Variants in DCBLD2 observed in about 807,000 individuals in gnomAD.
The protein encoded by DCBLD2 is discoidin, CUB and LCCL domain containing 2.
Under a neutral mutation model 86.8 loss-of-function variants are expected in DCBLD2, and 54 were observed. The observed-to-expected ratio is 0.62, with a 90% CI of 0.50 to 0.78. The LOEUF (loss-of-function observed/expected upper bound fraction) is 0.78, where lower values mean the gene tolerates loss of function less well. Ranked by LOEUF, DCBLD2 falls within the 30% of genes least tolerant of loss-of-function variation. DCBLD2 has a pLI of 0.00. For missense variants in DCBLD2, 908 were observed against 954.2 expected (o/e 0.95, Z 0.64); for synonymous variants, 354 against 341.3 (o/e 1.04, Z -0.41).
intron 2 of DCBLD2, among the ~76,000 whole-genome samples, chr3:98,852,622 G>T (rs1004905073): frequency 6.6e-6 from 1 of 152,128 alleles, no homozygotes; most frequent in East Asian, 1.9e-4. Context: ...ATGGCAAAAC[G>T]GAGATTTTTC....
intron 2 of DCBLD2, among the ~76,000 whole-genome samples, chr3:98,864,239 C>T (rs919570039): frequency 4.6e-4 from 70 of 152,224 alleles, no homozygotes; most frequent in African/African-American, 1.6e-3. Context: ...AATAGGAACA[C>T]TTTTAAATTG....
chr3:98,800,378 C>T (rs1445015982), intron 15 of DCBLD2, among the ~76,000 whole-genome samples: 3 of 152,070 alleles, frequency 2.0e-5, no homozygotes, highest in African/African-American at 7.2e-5. Flanking sequence ...AAATCAATGT[C>T]CCAACTTTAC....
chr3:98,883,132 GTA>G (rs997043773), intron 1 of DCBLD2, among the ~76,000 whole-genome samples: 1 of 152,144 alleles, frequency 6.6e-6, no homozygotes, highest in African/African-American at 2.4e-5. Context: ...CCATGAGATA[GTA>G]TCTCATTGTG....
chr3:98,814,409 A>G (rs1162268600), intron 9 of DCBLD2: 3 of 152,222 alleles, frequency 2.0e-5, no homozygotes, highest in Non-Finnish European at 4.4e-5. Context: ...ATAAAAACTG[A>G]GTAAAAAAGA....
At chr3:98,853,077 A>G (rs1213241896) in intron 2 of DCBLD2, among the ~76,000 whole-genome samples, 1 of 152,216 alleles carries the variant, frequency 6.6e-6, no homozygotes, top group Non-Finnish European at 1.5e-5. Context: ...GAAGCAAAGT[A>G]AAACAGAATA....
intron 3 of DCBLD2, among the ~76,000 whole-genome samples, chr3:98,833,479 G>A (rs1251530136): frequency 6.6e-6 from 1 of 152,206 alleles, no homozygotes; most frequent in Non-Finnish European, 1.5e-5. Context: ...TGGTGAACTA[G>A]TGCAATCGTT....
chr3:98,802,561 A>G (rs532026009), intron 13 of DCBLD2, among the ~76,000 whole-genome samples: 25 of 152,288 alleles, frequency 1.6e-4, no homozygotes, highest in African/African-American at 5.1e-4. Flanking sequence ...TAGTTTAATT[A>G]GATCCCATTT....
intron 3 of DCBLD2, among the ~76,000 whole-genome samples, chr3:98,832,663 C>G (rs1942344613): frequency 6.6e-6 from 1 of 152,184 alleles, no homozygotes; most frequent in Non-Finnish European, 1.5e-5. Flanking sequence ...ATTTGCTTAT[C>G]TGACAAGAAT....
chr3:98,879,362 C>T (rs1040701497), intron 2 of DCBLD2, among the ~76,000 whole-genome samples: 4 of 152,088 alleles, frequency 2.6e-5, no homozygotes, highest in Admixed American at 6.5e-5. Context: ...TCACTGAATG[C>T]CCAATGCTTC....
chr3:98,881,266 CAAAAA>C (rs35861171), intron 2 of DCBLD2, among the ~76,000 whole-genome samples: 1 of 136,828 alleles, frequency 7.3e-6, no homozygotes, highest in South Asian at 2.3e-4. Flanking sequence ...AAAAAAAAAA[CAAAAA>C]AAAAAAAACA....
intron 14 of DCBLD2, chr3:98,801,338 C>A: frequency 2.4e-6 from 1 of 420,926 alleles, no homozygotes; most frequent in Non-Finnish European, 4.2e-6. Flanking sequence ...GAAACAGATA[C>A]ACAGGACAAA....
At chr3:98,822,816 C>T (rs1942148102) in intron 4 of DCBLD2, 75 bp from the exon 5 acceptor site, 4 of 1,285,852 alleles carry the variant, frequency 3.1e-6, no homozygotes, top group South Asian at 2.9e-5. Context: ...CCAAAAATAT[C>T]ACAGACACAT....
Position 98,864,598 on chromosome 3 carries a change from G to A in DCBLD2, c.434-15000C>T, listed in dbSNP as rs150437450. Among the ~76,000 whole-genome samples the A allele has an allele frequency of 7.3e-4, 111 of 152,030 alleles. 1 individual carries two copies. Among genetic ancestry groups the A allele is most frequent in the Middle Eastern group, 3.4e-3 (1 of 294 alleles). On this transcript the variant is annotated intron_variant, in intron 2 of 15. Coordinates refer to ENST00000326840, the MANE Select transcript of DCBLD2 (RefSeq NM_080927.4). Reference sequence around the variant, plus strand: ...AAACCATCATTCTCAGCAAACTATCGCAAGAACAAAAAACCAAACAGCGCA... The same window carrying A: ...AAACCATCATTCTCAGCAAACTATCACAAGAACAAAAAACCAAACAGCGCA...
chr3:98,807,939 A>C, intron 13 of DCBLD2, 142 bp downstream of exon 13: 1 of 545,950 alleles, frequency 1.8e-6, no homozygotes, highest in Non-Finnish European at 2.9e-6. Flanking sequence ...TTTTAATGGG[A>C]ATAAAGGAGA....
intron 3 of DCBLD2, among the ~76,000 whole-genome samples, chr3:98,830,568 T>C (rs890234847): frequency 1.3e-5 from 2 of 152,212 alleles, no homozygotes; most frequent in Non-Finnish European, 2.9e-5. Context: ...CTTATTTCTG[T>C]GCTCTCTACT....
At chr3:98,855,646 A>C (rs980602999) in intron 2 of DCBLD2, among the ~76,000 whole-genome samples, 3 of 152,250 alleles carry the variant, frequency 2.0e-5, no homozygotes, top group Non-Finnish European at 4.4e-5. Flanking sequence ...TCCTTTCAGA[A>C]CTGTAGCTCA....
rs150321222 is a variant in DCBLD2, at chr3:98,853,445, A to C, written c.434-3847T>G. Among the ~76,000 whole-genome samples, 1,065 of 152,316 alleles carry C rather than the reference A, an allele frequency of 7.0e-3. 8 individuals are homozygous for C. Among genetic ancestry groups the C allele is most frequent in the African/African-American group, 0.019 (795 of 41,564 alleles). On this transcript the variant is annotated intron_variant, in intron 2 of 15. Coordinates refer to ENST00000326840, the MANE Select transcript of DCBLD2 (RefSeq NM_080927.4). The stretch of plus-strand genomic sequence containing the variant: ...CACAGCCCTATCACTCCACAATGCC[A>C]CCAGTCCTGAAGCTCAGCTATCATT...
intron 9 of DCBLD2, 22 bp downstream of exon 9, chr3:98,817,747 A>C: frequency 6.2e-7 from 1 of 1,610,920 alleles, no homozygotes. Flanking sequence ...GTTTTTTAAA[A>C]ATACCTTGGT....
chr3:98,870,797 GAAAGAAAGAA>G (rs1943264777), intron 2 of DCBLD2, among the ~76,000 whole-genome samples: 2 of 150,966 alleles, frequency 1.3e-5, no homozygotes, highest in Non-Finnish European at 3.0e-5. Context: ...AAGAAAGAAA[GAAAGAAAGAA>G]AGAAAGGTAG....
Sources: gnomAD v4.1 joint callset for allele counts (sites outside exome capture counted in the v4.1 genomes callset) on GRCh38, gnomAD v4.1.1 for gene constraint, MANE v1.5 for transcripts, NCBI Gene and HGNC (gene_info 2026-07-23, HGNC 2026-07-21) for gene names.